KIFAP3: variants seen among roughly 807,000 people sequenced by gnomAD.
KIFAP3 encodes the protein kinesin-associated protein 3.
Under a neutral mutation model 106.5 loss-of-function variants are expected in KIFAP3, and 68 were observed. That is an observed-to-expected ratio of 0.64 (90% CI 0.53 to 0.78). The LOEUF is 0.78. Ranked by LOEUF, KIFAP3 falls within the 30% of genes least tolerant of loss-of-function variation. KIFAP3 has a pLI of 0.00. For missense variants in KIFAP3, 780 were observed against 941.8 expected, an observed-to-expected ratio of 0.83 and a Z score of 2.25; for synonymous variants, 320 against 311.5, an observed-to-expected ratio of 1.03 and a Z score of -0.29.
intron 17 of KIFAP3, among the ~76,000 whole-genome samples, chr1:169,965,330 C>T (rs559969): frequency 0.94 from 142,495 of 152,066 alleles, 66,844 homozygotes; most frequent in East Asian, 1. Flanking sequence ...AAAAATCATA[C>T]GATCTGATGA....
chr1:169,985,366 G>A (rs779444021), intron 11 of KIFAP3, among the ~76,000 whole-genome samples: 41 of 151,844 alleles, frequency 2.7e-4, no homozygotes, highest in Admixed American at 9.9e-4. Context: ...GAGATAAAAG[G>A]ATTGATTAGA....
chr1:169,978,016 A>AC (rs397784239), intron 16 of KIFAP3, 69 bp downstream of exon 16: 3 of 1,042,112 alleles, frequency 2.9e-6, no homozygotes, highest in South Asian at 1.4e-5. Flanking sequence ...AAAAAAAAAA[A>AC]CAACTCAAAG....
intron 1 of KIFAP3, among the ~76,000 whole-genome samples, chr1:170,071,567 G>C (rs1671706305): frequency 1.3e-5 from 2 of 152,104 alleles, no homozygotes; most frequent in Non-Finnish European, 2.9e-5. Flanking sequence ...AAGATCAAAG[G>C]GGAAGTGAGA....
intron 9 of KIFAP3, among the ~76,000 whole-genome samples, chr1:170,021,787 T>C (rs1460512639): frequency 6.6e-6 from 1 of 151,986 alleles, no homozygotes; most frequent in African/African-American, 2.4e-5. Context: ...GTGAAATATG[T>C]GCAATTAGTC....
At chr1:169,999,673 G>A (rs536507682) in intron 10 of KIFAP3, among the ~76,000 whole-genome samples, 5 of 152,220 alleles carry the variant, frequency 3.3e-5, no homozygotes, top group South Asian at 2.1e-4. Context: ...TAAGTACTTC[G>A]ATAGGATTTC....
chr1:169,977,290 GAC>G (rs1666271840), intron 16 of KIFAP3, among the ~76,000 whole-genome samples: 1 of 152,118 alleles, frequency 6.6e-6, no homozygotes, highest in African/African-American at 2.4e-5. Context: ...CAGATGGCAG[GAC>G]TGCTTTGCTT....
At chr1:169,997,866 C>CAAAAAAAAAAA (rs11297528) in intron 10 of KIFAP3, among the ~76,000 whole-genome samples, 1 of 74,096 alleles carries the variant, frequency 1.3e-5, no homozygotes, top group Non-Finnish European at 2.5e-5. Flanking sequence ...TGAGACGTCT[C>CAAAAAAAAAAA]AAAAAAAAAA....
At chr1:170,022,404 T>C (rs963961679) in intron 9 of KIFAP3, among the ~76,000 whole-genome samples, 1 of 152,144 alleles carries the variant, frequency 6.6e-6, no homozygotes, top group African/African-American at 2.4e-5. Context: ...TAAAAATTGC[T>C]TATTGTTAAT....
chr1:169,998,394 A>G (rs1181520002), intron 10 of KIFAP3, among the ~76,000 whole-genome samples: 1 of 110,288 alleles, frequency 9.1e-6, no homozygotes, highest in Non-Finnish European at 1.7e-5. Flanking sequence ...ATATATATAT[A>G]TATATACACA....
intron 7 of KIFAP3, among the ~76,000 whole-genome samples, chr1:170,033,128 C>T (rs2102047373): frequency 6.6e-6 from 1 of 151,726 alleles, no homozygotes; most frequent in African/African-American, 2.4e-5. Context: ...GTAGTTGAGT[C>T]ACTATCAATC....
At chr1:170,005,429 TCACAATAG>T (rs1667899335) in intron 10 of KIFAP3, among the ~76,000 whole-genome samples, 1 of 151,970 alleles carries the variant, frequency 6.6e-6, no homozygotes, top group African/African-American at 2.4e-5. Context: ...GCGGCACTAT[TCACAATAG>T]CAAAGACTTG....
chr1:170,065,634 A>G (rs1004465071), intron 1 of KIFAP3, among the ~76,000 whole-genome samples: 13 of 151,494 alleles, frequency 8.6e-5, no homozygotes, highest in African/African-American at 2.7e-4. Context: ...AAAAAAAAAA[A>G]AAAAAGAAAT....
chr1:169,997,676 G>A (rs573532513), intron 10 of KIFAP3, among the ~76,000 whole-genome samples: 1 of 152,008 alleles, frequency 6.6e-6, no homozygotes, highest in Admixed American at 6.6e-5. Context: ...TTCAAGACCA[G>A]CCTGGCCACC....
chr1:170,024,670 A>G (rs944143749), intron 8 of KIFAP3, 74 bp from the exon 9 acceptor site: 3 of 899,890 alleles, frequency 3.3e-6, no homozygotes, highest in Non-Finnish European at 4.8e-6. Flanking sequence ...ATTTCTACTC[A>G]CCAAGGCAAC....
chr1:170,077,465 A>ATGTAAAGT (rs1671943529), upstream of KIFAP3, among the ~76,000 whole-genome samples: 1 of 152,244 alleles, frequency 6.6e-6, no homozygotes, highest in Admixed American at 6.5e-5. Context: ...GAGAAAGTTG[A>ATGTAAAGT]TGAACTAGAA....
chr1:170,062,102 T>A (rs556139537), intron 1 of KIFAP3, among the ~76,000 whole-genome samples: 2 of 151,992 alleles, frequency 1.3e-5, no homozygotes, highest in African/African-American at 4.8e-5. Flanking sequence ...ACATGGCATA[T>A]GTATACCTAT....
At chr1:169,960,211 T>C (rs942591113) in intron 18 of KIFAP3, among the ~76,000 whole-genome samples, 1 of 152,094 alleles carries the variant, frequency 6.6e-6, no homozygotes, top group Admixed American at 6.6e-5. Context: ...AGAGAACATA[T>C]ATTGAGAACA....
chr1:170,021,937 C>CTT (rs1668853847), intron 9 of KIFAP3, among the ~76,000 whole-genome samples: 1 of 116,508 alleles, frequency 8.6e-6, no homozygotes. Context: ...TCTTTCTTTT[C>CTT]TTTCTTTTTT....
At chr1:170,072,753 T>C (rs1671762559) in intron 1 of KIFAP3, among the ~76,000 whole-genome samples, 1 of 152,234 alleles carries the variant, frequency 6.6e-6, no homozygotes, top group Non-Finnish European at 1.5e-5. Context: ...TTGAAGGTTC[T>C]ATCAGACATC....
Sources: allele counts gnomAD v4.1 joint callset (sites outside exome capture counted in the v4.1 genomes callset), GRCh38; gene constraint gnomAD v4.1.1; transcripts MANE v1.5; gene names NCBI Gene and HGNC (gene_info 2026-07-23, HGNC 2026-07-21).